The following TTLL11 variants were observed in gnomAD, a reference collection of about 807,000 sequenced individuals.
TTLL11 encodes tubulin tyrosine ligase like 11, also known as tubulin polyglutamylase TTLL11.
Under a neutral mutation model 51.7 loss-of-function variants are expected in TTLL11, and 42 were observed. That is an observed-to-expected ratio of 0.81 (90% CI 0.64 to 1.05). The LOEUF is 1.05. TTLL11 is among the 50% of genes least tolerant of loss of function. The pLI is 0.00. For synonymous variants in TTLL11, 381 were observed against 383.5 expected (o/e 0.99, Z 0.08); for missense variants, 799 against 940.4 (o/e 0.85, Z 1.97).
rs1034527027 is a variant in TTLL11 at position 121,985,677 on chromosome 9, C to T, written c.1269+3518G>A. The stretch of plus-strand genomic sequence containing the variant: ...GACTACAGGTGCCTGCCTCAACACC[C>T]GGCTAATTTTTTGTAATTTTTTTTA... On this transcript the variant is annotated intron_variant, in intron 4 of 8. Coordinates refer to ENST00000321582, the MANE Select transcript of TTLL11 (RefSeq NM_001139442.2). Among the ~76,000 whole-genome samples, 18 of 151,986 alleles carry T rather than the reference C, an allele frequency of 1.2e-4. No homozygotes were observed. The East Asian group carries it at 2.5e-3, about 21-fold the overall frequency.
chr9:121,870,596 T>G lies in TTLL11; in HGVS notation c.1634A>C (p.Tyr545Ser). The G allele has an allele frequency of 6.4e-7, 1 of 1,551,706 alleles. No homozygotes were observed. The highest frequency in any genetic ancestry group is 8.7e-7 in the Non-Finnish European group (1 of 1,146,996). ...TGCCATCCTGTCCACCAGGCGCAGG[T>G]AGTTGAACTGTTTTGCGTACTTGGG... ...VFPKYAKQFN[Y>S]LRLVDRMANL... The change falls in exon 7 of 9, where the codon TAC becomes TCC. Residue 545 changes from tyrosine (Y) to serine (S), a missense_variant. Transcript: ENST00000321582.
chr9:122,005,385 G>A (rs935383139), intron 3 of TTLL11, among the ~76,000 whole-genome samples: 24 of 152,148 alleles, frequency 1.6e-4, no homozygotes, highest in African/African-American at 5.6e-4. Flanking sequence ...TTCCTTATCT[G>A]TACGATGGAG....
intron 8 of TTLL11, among the ~76,000 whole-genome samples, chr9:121,824,063 G>A (rs1836669341): frequency 6.6e-6 from 1 of 152,190 alleles, no homozygotes; most frequent in African/African-American, 2.4e-5. Context: ...GAGGTGCTCA[G>A]TATAGATGAA....
chr9:122,022,069 AAAC>A (rs2131782519), intron 3 of TTLL11, among the ~76,000 whole-genome samples: 1 of 152,342 alleles, frequency 6.6e-6, no homozygotes, highest in African/African-American at 2.4e-5. Context: ...TGTGAAGACA[AAAC>A]AACAGAAACT....
chr9:122,019,519 G>A (rs1289025299), intron 3 of TTLL11, among the ~76,000 whole-genome samples: 1 of 152,124 alleles, frequency 6.6e-6, no homozygotes, highest in Admixed American at 6.5e-5. Context: ...GCATGATCTT[G>A]GCCCACTGCA....
intron 8 of TTLL11, among the ~76,000 whole-genome samples, chr9:121,840,274 C>G (rs1837310730): frequency 6.6e-6 from 1 of 152,212 alleles, no homozygotes; most frequent in Non-Finnish European, 1.5e-5. Flanking sequence ...ATTACCTCCC[C>G]AACTTGGGAC....
chr9:122,002,964 A>G (rs1055182520), intron 3 of TTLL11, among the ~76,000 whole-genome samples: 7 of 149,464 alleles, frequency 4.7e-5, no homozygotes, highest in Admixed American at 4.7e-4. Context: ...AAAAAAAAAA[A>G]GAGATCCCCA....
At chr9:121,926,729 C>T (rs1051739810) in intron 6 of TTLL11, among the ~76,000 whole-genome samples, 4 of 152,202 alleles carry the variant, frequency 2.6e-5, no homozygotes, top group Non-Finnish European at 5.9e-5. Context: ...AACTTTGGCA[C>T]GAGCCAGGCC....
intron 1 of TTLL11, among the ~76,000 whole-genome samples, chr9:122,069,989 TCACACACACACA>T (rs144009501): frequency 6.7e-6 from 1 of 148,726 alleles, no homozygotes; most frequent in African/African-American, 2.5e-5. Flanking sequence ...GCATAGAGAA[TCACACACACACA>T]CACACACACA....
intron 7 of TTLL11, 65 bp from the exon 8 acceptor site, chr9:121,860,508 A>T: frequency 7.7e-7 from 1 of 1,302,710 alleles, no homozygotes; most frequent in Non-Finnish European, 1.1e-6. Context: ...TCTCTCCTCC[A>T]CTCCTGTTAG....
At chr9:122,016,412 G>A (rs1339524135) in intron 3 of TTLL11, among the ~76,000 whole-genome samples, 1 of 152,110 alleles carries the variant, frequency 6.6e-6, no homozygotes, top group Non-Finnish European at 1.5e-5. Flanking sequence ...ACCCAAAGTC[G>A]GTCAAATCAG....
chr9:122,012,407 T>C (rs1388839488), intron 3 of TTLL11, among the ~76,000 whole-genome samples: 2 of 152,104 alleles, frequency 1.3e-5, no homozygotes, highest in Non-Finnish European at 2.9e-5. Flanking sequence ...CTCCTACTTT[T>C]TCTTTTTAAA....
rs371032297 is a variant in TTLL11 at position 121,974,089 on chromosome 9, G to A, written c.1401C>T (p.Leu467=). The A allele has an allele frequency of 2.6e-5, 41 of 1,551,514 alleles. No individual in the cohort carries two copies. Among genetic ancestry groups the A allele is most frequent in the East Asian group, 7.3e-5 (3 of 40,924 alleles). ...CAGCCACTTTCACTTCTTCATCAAC[G>A]AGGCTGGGGACATTTTCAAACACCC... ...SPGVFENVPS[L]VDEEVKVAVI... is the part of the protein sequence containing the mutation. Residue 467 remains leucine (L), a synonymous_variant, in exon 6 of 9, where the codon CTC becomes CTT. Coordinates refer to ENST00000321582, the MANE Select transcript of TTLL11 (RefSeq NM_001139442.2).
intron 1 of TTLL11, among the ~76,000 whole-genome samples, chr9:122,048,332 A>G (rs532329053): frequency 1.4e-4 from 22 of 152,010 alleles, no homozygotes; most frequent in African/African-American, 5.1e-4. Context: ...GCACCTGACT[A>G]TATCTTTTAC....
chr9:121,999,079 C>T (rs1348718765), intron 3 of TTLL11, among the ~76,000 whole-genome samples: 1 of 152,186 alleles, frequency 6.6e-6, no homozygotes, highest in Non-Finnish European at 1.5e-5. Flanking sequence ...ATTCTCTTGC[C>T]CACTACATCC....
chr9:122,018,360 C>A (rs1844057316), intron 3 of TTLL11, among the ~76,000 whole-genome samples: 1 of 151,984 alleles, frequency 6.6e-6, no homozygotes, highest in Admixed American at 6.6e-5. Flanking sequence ...GATCTGCCCG[C>A]CTCGGCCTCC....
At chr9:121,999,683 G>T (rs2131720201) in intron 3 of TTLL11, among the ~76,000 whole-genome samples, 1 of 152,268 alleles carries the variant, frequency 6.6e-6, no homozygotes, top group East Asian at 1.9e-4. Context: ...GCATTAAAGG[G>T]TGAGCCACAT....
intron 3 of TTLL11, among the ~76,000 whole-genome samples, chr9:122,026,914 A>G (rs868127258): frequency 0.014 from 1,949 of 135,016 alleles, 18 homozygotes; most frequent in Non-Finnish European, 0.022. Flanking sequence ...CATTCTAAAA[A>G]AAAAAAAAAA....
chr9:121,909,527 G>A (rs992133353), intron 6 of TTLL11, among the ~76,000 whole-genome samples: 1 of 152,116 alleles, frequency 6.6e-6, no homozygotes, highest in African/African-American at 2.4e-5. Flanking sequence ...GGAGCCACCT[G>A]ACCCCTTTTT....
Sources: gnomAD v4.1 joint callset for allele counts (sites outside exome capture counted in the v4.1 genomes callset) on GRCh38, gnomAD v4.1.1 for gene constraint, MANE v1.5 for transcripts, NCBI Gene and HGNC (gene_info 2026-07-23, HGNC 2026-07-21) for gene names.